The following ZFYVE26 variants were observed in gnomAD, a reference collection of about 807,000 sequenced individuals.
The protein encoded by ZFYVE26 is zinc finger FYVE domain-containing protein 26.
In ZFYVE26, 181 loss-of-function variants were observed where a neutral mutation model predicts 276.5. The observed-to-expected ratio is 0.65, with a 90% CI of 0.58 to 0.74. The LOEUF (loss-of-function observed/expected upper bound fraction) is 0.74, where lower values mean the gene tolerates loss of function less well. Ranked by LOEUF, ZFYVE26 falls within the 30% of genes least tolerant of loss-of-function variation. The probability of loss-of-function intolerance (pLI) is 0.00; values close to 1 mark genes in which losing one functional copy is unlikely to be tolerated. For missense variants in ZFYVE26, 2,821 were observed against 3,097.9 expected (o/e 0.91, Z 2.12); for synonymous variants, 1,129 against 1,203.1 (o/e 0.94, Z 1.27).
chr14:67,737,107 T>TC lies in ZFYVE26; in HGVS notation n.2680-7289dup, dbSNP rs1491261999. 9.9e-5 allele frequency among the ~76,000 whole-genome samples: 12 copies of TC among 121,552 alleles called. No homozygotes were observed. In the South Asian group the frequency reaches 2.8e-3, roughly 28 times the overall value. 79.7% of individuals were successfully genotyped at this position (121,552 alleles called of 152,430 possible). On this transcript the variant is annotated intron_variant and non_coding_transcript_variant, in intron 13 of 14. Transcript: ENST00000394455. ...TCTTTTCTTTTTTTTTTTTTTTTTT[T>TC]CGGTAGAGACAAGGTCTCTCTCTGT...
intron 27 of ZFYVE26, among the ~76,000 whole-genome samples, chr14:67,773,572 C>CACACACACACA (rs71129860): frequency 6.8e-6 from 1 of 147,010 alleles, no homozygotes; most frequent in African/African-American, 2.5e-5. Flanking sequence ...CACACACACA[C>CACACACACACA]CCCAAAGCTG....
intron 10 of ZFYVE26, chr14:67,798,992 ACT>A (rs1476096703): frequency 6.1e-6 from 7 of 1,138,230 alleles, no homozygotes; most frequent in African/African-American, 3.0e-5. Context: ...ATTTACGGAT[ACT>A]CTCTGCCCTC....
At chr14:67,738,575 CTT>C (rs2038378858) in intron 13 of ZFYVE26, among the ~76,000 whole-genome samples, 1 of 151,450 alleles carries the variant, frequency 6.6e-6, no homozygotes, top group East Asian at 1.9e-4. Flanking sequence ...TGTAGTAAGA[CTT>C]ATATTTTGAA....
intron 3 of ZFYVE26, among the ~76,000 whole-genome samples, chr14:67,810,231 AG>A (rs1406010583): frequency 1.3e-5 from 2 of 152,204 alleles, no homozygotes; most frequent in Non-Finnish European, 2.9e-5. Context: ...TCTTTCCCCA[AG>A]AATCTCTCTT....
In ZFYVE26 at chr14:67,789,187, T is replaced by A. The variant is rs999228441; in HGVS notation, c.3019+148A>T. On this transcript the variant is annotated intron_variant, in intron 16 of 41. Transcript: ENST00000347230. The stretch of plus-strand genomic sequence containing the variant: ...TTTGTCTCTCAACAGACTGTATTTA[T>A]GCCATCAGATTGTATGTGACAAAAT... The A allele has an allele frequency of 6.6e-6, 7 of 1,062,708 alleles. No homozygotes were observed. The African/African-American group carries it at 9.3e-5, about 14-fold the overall frequency. The allele number at this position is 1,062,708 out of a possible 1,614,324, so 65.8% of individuals were successfully genotyped here.
chr14:67,783,506 G>C lies in ZFYVE26; in HGVS notation c.3646C>G (p.Gln1216Glu), dbSNP rs991255249. ...PPERLAALLA[Q>E]ENLSLSVPQV... is the part of the protein sequence containing the mutation. Reference sequence around the variant, plus strand: ...GGCACACTTAGGCTGAGATTCTCTTGGGCCAGAAGGGCTGCCAGTCTGGAA... The same window carrying C: ...GGCACACTTAGGCTGAGATTCTCTTCGGCCAGAAGGGCTGCCAGTCTGGAA... The change falls in exon 21 of 42, where the codon CAA becomes GAA. Residue 1216 changes from glutamine (Q) to glutamate (E), a missense_variant. Coordinates refer to ENST00000347230, the MANE Select transcript of ZFYVE26 (RefSeq NM_015346.4). 1 of 1,613,210 alleles carries C rather than the reference G, an allele frequency of 6.2e-7. No homozygotes were observed. The highest frequency in any genetic ancestry group is 8.5e-7 in the Non-Finnish European group (1 of 1,180,024).
At chr14:67,733,923 TA>T in intron 13 of ZFYVE26, 1 of 1,099,908 alleles carries the variant, frequency 9.1e-7, no homozygotes, top group Non-Finnish European at 1.4e-6. Context: ...AGGCCAACCC[TA>T]AAGGATTGTC....
intron 28 of ZFYVE26, 54 bp from the exon 29 acceptor site, chr14:67,769,784 C>T: frequency 6.2e-7 from 1 of 1,610,708 alleles, no homozygotes. Flanking sequence ...GGGGAGATTG[C>T]CATCAATCCA....
chr14:67,742,877 T>C (rs1186556649), downstream of ZFYVE26, among the ~76,000 whole-genome samples: 1 of 143,392 alleles, frequency 7.0e-6, no homozygotes, highest in Non-Finnish European at 1.5e-5. Flanking sequence ...TCTTACTCTG[T>C]CTCCCAGGCT....
chr14:67,784,986 G>C, intron 19 of ZFYVE26, 73 bp downstream of exon 19: 1 of 1,482,280 alleles, frequency 6.7e-7, no homozygotes, highest in Non-Finnish European at 9.4e-7. Flanking sequence ...TTTCAATTGT[G>C]CATCTTTTCT....
At position 67,794,185 on chromosome 14, in the gene ZFYVE26, C is replaced by G; in HGVS notation, c.2387G>C (p.Ser796Thr). 1 of 1,614,190 alleles carries G rather than the reference C, an allele frequency of 6.2e-7. No homozygotes were observed. Among genetic ancestry groups the G allele is most frequent in the Non-Finnish European group, 8.5e-7 (1 of 1,180,030 alleles). The change falls in exon 13 of 42, where the codon AGC (serine) becomes ACC (threonine). Residue 796 changes from serine (S) to threonine (T), a missense_variant. By Grantham distance (58) the Ser-to-Thr change is moderately conservative (BLOSUM62 1). Coordinates refer to ENST00000347230, the MANE Select transcript of ZFYVE26 (RefSeq NM_015346.4). ...AATCTGCATACCTGACGTACTTGTG[C>G]TCAGCTCACTACTTGTACTTTCCAG... ...PSLESTSSEL[S>T]TSTSEGSLSA... is the part of the protein sequence containing the mutation.
At chr14:67,762,874 A>G in intron 32 of ZFYVE26, 55 bp from the exon 33 acceptor site, 1 of 1,605,882 alleles carries the variant, frequency 6.2e-7, no homozygotes, top group South Asian at 1.1e-5. Flanking sequence ...TACTAAGAGT[A>G]GCCGCTTAAA....
chr14:67,773,978 C>T (rs909584313), intron 27 of ZFYVE26, among the ~76,000 whole-genome samples: 3 of 152,108 alleles, frequency 2.0e-5, no homozygotes, highest in African/African-American at 4.8e-5. Context: ...CTGAGGGCTT[C>T]AAGGAGCTTG....
At chr14:67,780,453 G>T in intron 22 of ZFYVE26, 108 bp from the exon 23 acceptor site, 1 of 985,994 alleles carries the variant, frequency 1.0e-6, no homozygotes, top group Non-Finnish European at 1.6e-6. Context: ...CTGCCCCAAA[G>T]TCAGGCTGTC....
Position 67,748,622 on chromosome 14 carries a change from T to G in ZFYVE26, c.7434A>C (p.Ile2478=), listed in dbSNP as rs1393104950. The G allele has an allele frequency of 1.2e-6, 2 of 1,613,908 alleles. No homozygotes were observed. The highest frequency in any genetic ancestry group is 1.3e-5 in the African/African-American group (1 of 74,942). ...NDDNKVRAYL[I]CCKLRSAYLI... is the part of the protein sequence containing the mutation. Reference sequence around the variant, plus strand: ...AGTAGGCAGAACGCAGTTTGCAACATATCAGGTAGGCCCGAACCTGGCAGT... The same window carrying G: ...AGTAGGCAGAACGCAGTTTGCAACAGATCAGGTAGGCCCGAACCTGGCAGT... Residue 2478 remains isoleucine (I), a synonymous_variant, in exon 42 of 42, where the codon ATA becomes ATC. Coordinates refer to ENST00000347230, the MANE Select transcript of ZFYVE26 (RefSeq NM_015346.4).
chr14:67,761,815 T>A (rs968870530), intron 34 of ZFYVE26: 5 of 587,496 alleles, frequency 8.5e-6, no homozygotes, highest in East Asian at 2.9e-5. Context: ...ATGTTCATAA[T>A]TTTTCAGTGT....
chr14:67,778,179 G>A lies in ZFYVE26; in HGVS notation c.4744C>T (p.Gln1582Ter). The stretch of plus-strand genomic sequence containing the variant: ...TCTAGAAGGTGGAGAAGATGCTTTT[G>A]ATGAAGGCTGATTAAATGTTCTCTT... ...IPREHLISLH[Q>*]KHLLHLLERR... Residue 1582 changes from glutamine (Q) to a stop codon, truncating the protein, a stop_gained, in exon 24 of 42, where the codon CAA becomes TAA. Transcript: ENST00000347230. LOFTEE classifies it high-confidence loss of function. The A allele has an allele frequency of 6.2e-7, 1 of 1,614,176 alleles. No homozygotes were observed. The highest frequency in any genetic ancestry group is 8.5e-7 in the Non-Finnish European group (1 of 1,180,024).
chr14:67,814,908 C>A (rs538540476), intron 2 of ZFYVE26, among the ~76,000 whole-genome samples: 1 of 152,140 alleles, frequency 6.6e-6, no homozygotes. Context: ...AACAGTATAG[C>A]ATAACAGTCA....
chr14:67,761,639 C>A, intron 34 of ZFYVE26, 55 bp from the exon 35 acceptor site: 1 of 1,500,314 alleles, frequency 6.7e-7, no homozygotes, highest in Non-Finnish European at 9.2e-7. Flanking sequence ...TCTCAGCAGG[C>A]ACTGAAAATA....
Sources: gnomAD v4.1 joint callset for allele counts (sites outside exome capture counted in the v4.1 genomes callset) on GRCh38, gnomAD v4.1.1 for gene constraint, MANE v1.5 for transcripts, NCBI Gene and HGNC (gene_info 2026-07-23, HGNC 2026-07-21) for gene names.